Variants in WDR43 observed in about 807,000 individuals in gnomAD.
WDR43 encodes WD repeat domain 43.
In WDR43, 13 loss-of-function variants were observed where a neutral mutation model predicts 91.4. The observed-to-expected ratio is 0.14, with a 90% confidence interval of 0.09 to 0.23. The LOEUF (loss-of-function observed/expected upper bound fraction) is 0.23. Among genes scored for constraint, WDR43 ranks in the 10% least tolerant of loss-of-function variants. The pLI is 1.00. For missense variants in WDR43, 780 were observed against 809.4 expected (o/e 0.96, Z 0.44); for synonymous variants, 331 against 287.9 (o/e 1.15, Z -1.51).
chr2:28,901,894 C>T, intron 1 of WDR43, 93 bp from the exon 2 acceptor site: 2 of 1,263,454 alleles, frequency 1.6e-6, no homozygotes, highest in Non-Finnish European at 2.1e-6. Flanking sequence ...TTTAAAATGT[C>T]TTTTGTGGGC....
intron 2 of WDR43, among the ~76,000 whole-genome samples, chr2:28,902,598 A>T (rs1347845673): frequency 6.6e-6 from 1 of 152,214 alleles, no homozygotes; most frequent in African/African-American, 2.4e-5. Flanking sequence ...GATGGAGATG[A>T]TGAGATTGGT....
intron 6 of WDR43, among the ~76,000 whole-genome samples, chr2:28,920,211 A>AT (rs778610482): frequency 7.6e-6 from 1 of 132,016 alleles, no homozygotes; most frequent in African/African-American, 2.9e-5. Flanking sequence ...ATAAAAATAA[A>AT]TTTTTTTTCT....
chr2:28,902,187 TAAAAA>T (rs370426248), intron 2 of WDR43, 63 bp downstream of exon 2: 1 of 1,343,976 alleles, frequency 7.4e-7, no homozygotes, highest in African/African-American at 1.5e-5. Context: ...TAGAGATTAT[TAAAAA>T]AAAAACACTT....
chr2:28,914,208 G>T lies in WDR43; in HGVS notation c.746G>T (p.Trp249Leu). Residue 249 changes from tryptophan (W) to leucine (L), a missense_variant and splice_region_variant, in exon 5 of 18, where the codon TGG becomes TTG. Physicochemically the swap from Trp to Leu is moderately conservative, Grantham distance 61 (BLOSUM62 -2). Transcript: ENST00000407426. Reference protein sequence around the residue: ...GAVHDRLLNVWQVRSENKEKS... With the variant: ...GAVHDRLLNVLQVRSENKEKS... ...GTACATGACCGGTTACTTAATGTCT[G>T]GTATGTAGTTCTTTTGGATTTGGGA... is the stretch of plus-strand genomic sequence containing the variant. 1 of 1,609,914 alleles carries T rather than the reference G, an allele frequency of 6.2e-7. No homozygotes were observed. The highest frequency in any genetic ancestry group is 8.5e-7 in the Non-Finnish European group (1 of 1,178,580).
intron 5 of WDR43, among the ~76,000 whole-genome samples, chr2:28,916,221 G>T (rs1398215079): frequency 1.3e-5 from 2 of 152,098 alleles, no homozygotes; most frequent in African/African-American, 4.8e-5. Context: ...GACATTTTTT[G>T]TGTACAAGTC....
intron 4 of WDR43, 37 bp from the exon 5 acceptor site, chr2:28,914,032 G>C (rs747826369): frequency 1.2e-6 from 2 of 1,606,578 alleles, no homozygotes; most frequent in South Asian, 2.2e-5. Flanking sequence ...TCCCTGCTTT[G>C]AATCTGCTCT....
At chr2:28,901,094 A>T (rs1670570692) in intron 1 of WDR43, among the ~76,000 whole-genome samples, 1 of 152,174 alleles carries the variant, frequency 6.6e-6, no homozygotes, top group Non-Finnish European at 1.5e-5. Flanking sequence ...TATTAAGAAG[A>T]TATTCTCTTT....
chr2:28,941,679 G>A (rs1237031744), intron 15 of WDR43, 105 bp downstream of exon 15: 3 of 842,640 alleles, frequency 3.6e-6, no homozygotes, highest in Admixed American at 4.4e-5. Flanking sequence ...CGCTCAGGCT[G>A]CACTGCGGTA....
chr2:28,916,563 G>A (rs1670913573), intron 5 of WDR43, among the ~76,000 whole-genome samples: 1 of 152,018 alleles, frequency 6.6e-6, no homozygotes, highest in Non-Finnish European at 1.5e-5. Flanking sequence ...TTGTTGAAAA[G>A]ATTATCTCTG....
intron 9 of WDR43, 65 bp from the exon 10 acceptor site, chr2:28,927,504 T>TTGAG (rs1671163605): frequency 2.6e-6 from 4 of 1,566,970 alleles, no homozygotes; most frequent in Non-Finnish European, 3.5e-6. Context: ...TGTTTTCTCA[T>TTGAG]TGAGGATACT....
chr2:28,894,886 C>G lies in WDR43; in HGVS notation c.188C>G (p.Thr63Ser). The change falls in exon 1 of 18, where the codon ACC becomes AGC. Residue 63 changes from threonine (T) to serine (S), a missense_variant. This residue lies in a region of WDR43 where 175 missense variants were observed against 113.8 expected (regional missense o/e 1.54). Transcript: ENST00000407426. ...TCCGCGCACCTCAGTGGTACCTGCACCTGTCTGGCCTGGGCGCCAGCGCGG... is the reference window on the plus strand; with the variant it reads ...TCCGCGCACCTCAGTGGTACCTGCAGCTGTCTGGCCTGGGCGCCAGCGCGG... ...VPSAHLSGTC[T>S]CLAWAPARLQ... 1 of 1,604,724 alleles carries G rather than the reference C, an allele frequency of 6.2e-7. No individual in the cohort carries two copies. Among genetic ancestry groups the G allele is most frequent in the Non-Finnish European group, 8.5e-7 (1 of 1,176,158 alleles).
chr2:28,936,007 C>A (rs556515863), intron 12 of WDR43, among the ~76,000 whole-genome samples: 2 of 152,140 alleles, frequency 1.3e-5, no homozygotes, highest in East Asian at 3.9e-4. Flanking sequence ...AACCTAACAC[C>A]GAAACCATTT....
chr2:28,912,500 G>T, intron 3 of WDR43, 90 bp from the exon 4 acceptor site: 1 of 1,487,484 alleles, frequency 6.7e-7, no homozygotes, highest in Non-Finnish European at 9.1e-7. Context: ...TATTTTTAAT[G>T]ATTGTTCAGT....
chr2:28,913,679 C>T (rs371451460), intron 4 of WDR43: 1 of 522,308 alleles, frequency 1.9e-6, no homozygotes, highest in Non-Finnish European at 3.8e-6. Flanking sequence ...GTGATGATGC[C>T]TTAATATTGT....
intron 16 of WDR43, 137 bp downstream of exon 16, chr2:28,942,518 G>A (rs866170615): frequency 1.0e-5 from 9 of 887,564 alleles, no homozygotes; most frequent in Middle Eastern, 2.6e-4. Flanking sequence ...AGGCAAGTCC[G>A]TGGCAAAAAT....
intron 2 of WDR43, 63 bp downstream of exon 2, chr2:28,902,187 TA>T (rs370426248): frequency 0.018 from 23,786 of 1,333,966 alleles, 197 homozygotes; most frequent in Middle Eastern, 0.025. Flanking sequence ...TAGAGATTAT[TA>T]AAAAAAAAAC....
chr2:28,924,516 G>C lies in WDR43; in HGVS notation c.915-466G>C, dbSNP rs529270081. Among the ~76,000 whole-genome samples the C allele has an allele frequency of 2.6e-5, 4 of 152,260 alleles. No homozygotes were observed. In the South Asian group the frequency reaches 8.3e-4, roughly 32 times the overall value. ...AGGTACAAGTTGGGAGTGCTGCAGG[G>C]ACAAGCCAGGGTAGAGGAAGAATGT... On this transcript the variant is annotated intron_variant, in intron 7 of 17. Coordinates refer to ENST00000407426, the MANE Select transcript of WDR43 (RefSeq NM_015131.3).
intron 1 of WDR43, among the ~76,000 whole-genome samples, chr2:28,899,671 A>G (rs1249108988): frequency 6.6e-6 from 1 of 152,258 alleles, no homozygotes; most frequent in Admixed American, 6.5e-5. Flanking sequence ...TTTCTCATCT[A>G]TAATCAGTAG....
chr2:28,934,868 C>G (rs1374861828), intron 11 of WDR43, among the ~76,000 whole-genome samples: 2 of 152,300 alleles, frequency 1.3e-5, no homozygotes, highest in East Asian at 3.9e-4. Flanking sequence ...TAAACCCTTT[C>G]AAAAGGACCC....
Sources: gnomAD v4.1 joint callset for allele counts (sites outside exome capture counted in the v4.1 genomes callset) on GRCh38, gnomAD v4.1.1 for gene constraint, gnomAD v4.1.1 regional missense constraint, MANE v1.5 for transcripts, NCBI Gene and HGNC (gene_info 2026-07-23, HGNC 2026-07-21) for gene names.